GRID1: variants seen among roughly 807,000 people sequenced by gnomAD.
GRID1 encodes glutamate ionotropic receptor delta type subunit 1, also known as glutamate receptor ionotropic, delta-1.
Under a neutral mutation model 98.0 loss-of-function variants are expected in GRID1, and 28 were observed. The ratio of observed to expected loss-of-function variants is 0.29; its 90% CI spans 0.21 to 0.39. The LOEUF (loss-of-function observed/expected upper bound fraction) is 0.39. Ranked by LOEUF, GRID1 falls within the 10% of genes least tolerant of loss-of-function variation. The pLI is 1.00. For missense variants in GRID1, 1,111 were observed against 1,340.5 expected, an observed-to-expected ratio of 0.83 and a Z score of 2.67; for synonymous variants, 553 against 538.5, an observed-to-expected ratio of 1.03 and a Z score of -0.37.
At chr10:85,818,013 C>T (rs1842731477) in intron 8 of GRID1, among the ~76,000 whole-genome samples, 1 of 152,168 alleles carries the variant, frequency 6.6e-6, no homozygotes, top group East Asian at 1.9e-4. Context: ...TACTCTGAAC[C>T]TAAATACCAA....
chr10:85,687,940 T>C (rs1841288348), intron 12 of GRID1, among the ~76,000 whole-genome samples: 1 of 152,150 alleles, frequency 6.6e-6, no homozygotes, highest in Non-Finnish European at 1.5e-5. Flanking sequence ...ATACAGTATA[T>C]GATTTCAAAT....
chr10:85,927,451 C>T (rs10788468), intron 4 of GRID1, among the ~76,000 whole-genome samples: 4 of 151,122 alleles, frequency 2.6e-5, no homozygotes, highest in African/African-American at 7.3e-5. Flanking sequence ...CCATAAGCTG[C>T]GAGTTTCCAG....
intron 4 of GRID1, among the ~76,000 whole-genome samples, chr10:86,047,316 C>G (rs1374590587): frequency 2.0e-5 from 3 of 152,236 alleles, no homozygotes; most frequent in Admixed American, 2.0e-4. Flanking sequence ...CCTGCTTACA[C>G]AGACTGGAGC....
intron 2 of GRID1, among the ~76,000 whole-genome samples, chr10:86,327,138 AAAC>A (rs1848062404): frequency 6.6e-6 from 1 of 152,200 alleles, no homozygotes; most frequent in Non-Finnish European, 1.5e-5. Context: ...TCCATCTCAA[AAAC>A]AACAACAAAA....
chr10:85,944,887 C>T (rs776838046), intron 4 of GRID1, among the ~76,000 whole-genome samples: 3 of 151,676 alleles, frequency 2.0e-5, no homozygotes, highest in East Asian at 1.9e-4. Flanking sequence ...AAAATAAAAA[C>T]GATGATATAG....
intron 4 of GRID1, among the ~76,000 whole-genome samples, chr10:85,917,304 A>C (rs138425525): frequency 9.5e-4 from 144 of 152,272 alleles, no homozygotes; most frequent in African/African-American, 3.3e-3. Flanking sequence ...TTATCAAAAA[A>C]AAAATGCAGA....
chr10:86,085,096 G>A (rs1289433614), intron 4 of GRID1, among the ~76,000 whole-genome samples: 1 of 152,230 alleles, frequency 6.6e-6, no homozygotes, highest in Non-Finnish European at 1.5e-5. Context: ...CCAGGGAAGA[G>A]CATTTCAGGA....
At chr10:85,917,831 G>C (rs1030878491) in intron 4 of GRID1, among the ~76,000 whole-genome samples, 1 of 152,200 alleles carries the variant, frequency 6.6e-6, no homozygotes, top group African/African-American at 2.4e-5. Flanking sequence ...CAGTTAACCG[G>C]GCTCTCTCCA....
intron 4 of GRID1, among the ~76,000 whole-genome samples, chr10:86,126,002 A>AT (rs1353634874): frequency 6.6e-6 from 1 of 152,168 alleles, no homozygotes; most frequent in Non-Finnish European, 1.5e-5. Context: ...TTATACACAG[A>AT]TTTTTGACTG....
chr10:86,264,590 G>A (rs1196790899), intron 2 of GRID1: 2 of 453,396 alleles, frequency 4.4e-6, no homozygotes, highest in Non-Finnish European at 8.9e-6. Flanking sequence ...ATCTTCTCTG[G>A]CTCAGGAGGG....
At chr10:85,747,944 A>G (rs1482444768) in intron 8 of GRID1, among the ~76,000 whole-genome samples, 1 of 152,220 alleles carries the variant, frequency 6.6e-6, no homozygotes, top group Non-Finnish European at 1.5e-5. Flanking sequence ...GAAGATAACC[A>G]AATAAATCAC....
At chr10:86,034,123 A>T (rs1843223287) in intron 4 of GRID1, among the ~76,000 whole-genome samples, 1 of 152,174 alleles carries the variant, frequency 6.6e-6, no homozygotes, top group Non-Finnish European at 1.5e-5. Flanking sequence ...TTAATATTCG[A>T]TTTTTTTAAT....
In GRID1 at chr10:85,727,898, T is replaced by C; in HGVS notation, c.1490A>G (p.His497Arg). Reference protein sequence around the residue: ...APDGRYGHQLHNTSWNGMIGE... With the variant: ...APDGRYGHQLRNTSWNGMIGE... ...GATCATCCCGTTCCAGGAGGTGTTA[T>C]GGAGCTGGTGACCGTACCTGCCATC... Residue 497 changes from histidine (H) to arginine (R), a missense_variant, in exon 10 of 16, where the codon CAT becomes CGT. By Grantham distance (29) the His-to-Arg change is conservative. Around this residue, in one of 3 missense-constraint regions of GRID1, gnomAD observed 762 missense variants for 869.1 expected, o/e 0.88. Coordinates refer to ENST00000327946, the MANE Select transcript of GRID1 (RefSeq NM_017551.3). 1 of 1,613,978 alleles carries C rather than the reference T, an allele frequency of 6.2e-7. No individual in the cohort carries two copies. Among genetic ancestry groups the C allele is most frequent in the South Asian group, 1.1e-5 (1 of 91,066 alleles).
At chr10:85,899,861 A>G (rs1374220279) in intron 5 of GRID1, among the ~76,000 whole-genome samples, 2 of 152,210 alleles carry the variant, frequency 1.3e-5, no homozygotes. Context: ...GTAGCTGACA[A>G]GCTGGCCTCT....
At position 86,337,744 on chromosome 10, in the gene GRID1, AT is replaced by A. The variant is rs1848246087; in HGVS notation, c.235+26196del. Among the ~76,000 whole-genome samples the A allele has an allele frequency of 7.6e-5, 8 of 104,828 alleles. No individual in the cohort carries two copies. In the Admixed American group the frequency reaches 1.1e-3, roughly 14 times the overall value. The allele number at this position is 104,828 out of a possible 152,430, so 68.8% of individuals were successfully genotyped here. ...TTTTTTTGAGATGGAGTCTTGCTCT[AT>A]CCCCCAGGCTGGAGTGCAGTGACAT... On this transcript the variant is annotated intron_variant, in intron 2 of 15. Coordinates refer to ENST00000327946, the MANE Select transcript of GRID1 (RefSeq NM_017551.3).
At chr10:86,159,314 C>T (rs868220326) in intron 3 of GRID1, among the ~76,000 whole-genome samples, 37 of 152,260 alleles carry the variant, frequency 2.4e-4, no homozygotes, top group Middle Eastern at 3.4e-3. Context: ...TAACAATGAA[C>T]GTGGTAATCC....
chr10:85,830,700 C>G (rs1200565221), intron 8 of GRID1, among the ~76,000 whole-genome samples: 1 of 152,046 alleles, frequency 6.6e-6, no homozygotes, highest in African/African-American at 2.4e-5. Flanking sequence ...AGCTAACAAG[C>G]ATATGAAAAA....
At chr10:86,269,119 G>A (rs1369998727) in intron 2 of GRID1, among the ~76,000 whole-genome samples, 1 of 152,148 alleles carries the variant, frequency 6.6e-6, no homozygotes, top group African/African-American at 2.4e-5. Flanking sequence ...CCTAAAGTAG[G>A]TGCAACAAAA....
intron 15 of GRID1, among the ~76,000 whole-genome samples, chr10:85,602,949 T>C (rs1169426936): frequency 6.6e-6 from 1 of 152,236 alleles, no homozygotes; most frequent in African/African-American, 2.4e-5. Context: ...GGCTGCATCC[T>C]GCCTTGCCTC....
Sources: gnomAD v4.1 joint callset for allele counts (sites outside exome capture counted in the v4.1 genomes callset) on GRCh38, gnomAD v4.1.1 for gene constraint, gnomAD v4.1.1 regional missense constraint, MANE v1.5 for transcripts, NCBI Gene and HGNC (gene_info 2026-07-23, HGNC 2026-07-21) for gene names.